FANCI: variants seen among roughly 807,000 people sequenced by gnomAD.
The protein encoded by FANCI is FA complementation group I, also known as Fanconi anemia group I protein.
A neutral mutation model predicts 176.1 loss-of-function variants in FANCI; 156 were observed. The ratio of observed to expected loss-of-function variants is 0.89; its 90% confidence interval spans 0.78 to 1.01. The LOEUF (loss-of-function observed/expected upper bound fraction) is 1.01. Ranked by LOEUF, FANCI falls within the 50% of genes least tolerant of loss-of-function variation. The probability of loss-of-function intolerance (pLI) is 0.00; values close to 1 mark genes in which losing one functional copy is unlikely to be tolerated. For missense variants in FANCI, 1,678 were observed against 1,534.1 expected (o/e 1.09, Z -1.57); for synonymous variants, 613 against 541.7 (o/e 1.13, Z -1.83).
intron 2 of FANCI, among the ~76,000 whole-genome samples, chr15:89,251,232 A>C (rs2052234908): frequency 6.6e-6 from 1 of 152,198 alleles, no homozygotes; most frequent in African/African-American, 2.4e-5. Context: ...TTTCTTAGGC[A>C]CGTACAGTTT....
At chr15:89,292,889 T>C (rs772072139) in intron 21 of FANCI, 25 bp downstream of exon 21, 10 of 1,614,096 alleles carry the variant, frequency 6.2e-6, no homozygotes, top group East Asian at 4.5e-5. Context: ...CTCAGCTGTA[T>C]TGAATGATGG....
In FANCI at chr15:89,294,009, C is replaced by A; in HGVS notation, c.2456+12C>A. The A allele has an allele frequency of 6.2e-7, 1 of 1,613,986 alleles. No homozygotes were observed. ...ACTGCTCTTTTCAGGTAAGGTTCTGCTAGAGTGCTTAAAGACAGCCACTCC... is the reference window on the plus strand; with the variant it reads ...ACTGCTCTTTTCAGGTAAGGTTCTGATAGAGTGCTTAAAGACAGCCACTCC... On this transcript the variant is annotated intron_variant, in intron 23 of 37. Coordinates refer to ENST00000310775, the MANE Select transcript of FANCI (RefSeq NM_001113378.2).
intron 13 of FANCI, among the ~76,000 whole-genome samples, chr15:89,277,687 T>C (rs1051488597): frequency 1.3e-5 from 2 of 151,940 alleles, no homozygotes; most frequent in African/African-American, 4.8e-5. Flanking sequence ...GAAATGTACA[T>C]TTTTTTGACA....
chr15:89,305,311 A>G (rs1290478608), intron 29 of FANCI, 30 bp from the exon 30 acceptor site: 1 of 1,614,052 alleles, frequency 6.2e-7, no homozygotes, highest in African/African-American at 1.3e-5. Flanking sequence ...CCTTACTGTC[A>G]TTAGGTCTCA....
chr15:89,285,311 A>G (rs182016717), intron 18 of FANCI, 93 bp downstream of exon 18: 53 of 1,507,682 alleles, frequency 3.5e-5, no homozygotes, highest in African/African-American at 1.4e-4. Flanking sequence ...TACAATAGCT[A>G]TGCTCTTACT....
At position 89,316,531 on chromosome 15, in the gene FANCI, T is replaced by G; in HGVS notation, c.*72T>G. 1 of 1,445,458 alleles carries G rather than the reference T, an allele frequency of 6.9e-7. No individual in the cohort carries two copies. Among genetic ancestry groups the G allele is most frequent in the South Asian group, 1.2e-5 (1 of 83,396 alleles). The allele number at this position is 1,445,458 out of a possible 1,614,324, so 89.5% of individuals were successfully genotyped here. A position where few individuals can be genotyped will look rare whatever the true frequency, so the allele number is the denominator to read the frequency against. On this transcript the variant is annotated 3_prime_UTR_variant, in exon 38 of 38. Transcript: ENST00000310775. ...TTACCCAACAAGCAACAATGCCCCT[T>G]GTCCTGTAGTCCACACCGATGTTGG...
At chr15:89,282,075 T>C (rs1387607457) in intron 16 of FANCI, 4 of 491,996 alleles carry the variant, frequency 8.1e-6, no homozygotes, top group Middle Eastern at 3.6e-4. Flanking sequence ...ATAAGAAAAG[T>C]TAGGCTTAGA....
chr15:89,245,621 A>C (rs893829616), intron 1 of FANCI: 3 of 152,108 alleles, frequency 2.0e-5, no homozygotes, highest in African/African-American at 7.2e-5. Flanking sequence ...AGATGGAAAC[A>C]TGTGGAAGGG....
intron 2 of FANCI, among the ~76,000 whole-genome samples, chr15:89,255,911 CG>C (rs2052474207): frequency 6.6e-6 from 1 of 152,162 alleles, no homozygotes; most frequent in Non-Finnish European, 1.5e-5. Context: ...GAGTACTTGT[CG>C]TGTGTTAGGC....
chr15:89,308,188 T>C (rs1226729471), intron 34 of FANCI: 9 of 1,032,220 alleles, frequency 8.7e-6, no homozygotes, highest in Non-Finnish European at 1.0e-5. Context: ...TCACCACTAT[T>C]GACATGTTGC....
chr15:89,256,741 A>C (rs1233759459), intron 2 of FANCI, among the ~76,000 whole-genome samples: 1 of 152,178 alleles, frequency 6.6e-6, no homozygotes, highest in African/African-American at 2.4e-5. Flanking sequence ...GCCTCACAGC[A>C]GACCCGAATC....
chr15:89,264,627 A>T lies in FANCI; in HGVS notation c.755+20A>T. On this transcript the variant is annotated intron_variant, in intron 9 of 37. Transcript: ENST00000310775. ...TGACGAGTGAGTAATATAGTGTAGA[A>T]ATAAAGATCATTTTTACAAATTCAT... 8 of 1,593,934 alleles carry T rather than the reference A, an allele frequency of 5.0e-6. No individual in the cohort carries two copies. Among genetic ancestry groups the T allele is most frequent in the Non-Finnish European group, 6.9e-6 (8 of 1,162,614 alleles).
chr15:89,292,165 G>T (rs2054093839), intron 20 of FANCI, among the ~76,000 whole-genome samples: 1 of 152,180 alleles, frequency 6.6e-6, no homozygotes, highest in Non-Finnish European at 1.5e-5. Flanking sequence ...GCCTCAGAAG[G>T]ACAGCGAAGA....
chr15:89,295,752 T>TTTG (rs893764005), intron 24 of FANCI, among the ~76,000 whole-genome samples: 3 of 144,704 alleles, frequency 2.1e-5, no homozygotes, highest in Non-Finnish European at 4.6e-5. Flanking sequence ...CCTTTTTTTT[T>TTTG]TTGTTGTTGT....
chr15:89,248,686 A>G (rs921606217), intron 2 of FANCI, among the ~76,000 whole-genome samples: 1 of 152,170 alleles, frequency 6.6e-6, no homozygotes, highest in Non-Finnish European at 1.5e-5. Flanking sequence ...AGGCGTGAAC[A>G]CTGTCAAATT....
At chr15:89,261,474 G>T (rs1165379544) in intron 4 of FANCI, 111 bp from the exon 5 acceptor site, 1 of 1,366,160 alleles carries the variant, frequency 7.3e-7, no homozygotes, top group Non-Finnish European at 1.0e-6. Context: ...TATGGGACCA[G>T]TTCTGGATCT....
intron 12 of FANCI, among the ~76,000 whole-genome samples, chr15:89,275,721 T>A (rs1246990307): frequency 6.6e-6 from 1 of 152,172 alleles, no homozygotes; most frequent in Non-Finnish European, 1.5e-5. Context: ...AAGAAGGAGG[T>A]ACTCACTAAC....
intron 27 of FANCI, among the ~76,000 whole-genome samples, chr15:89,303,101 C>A (rs551818445): frequency 6.6e-6 from 1 of 152,172 alleles, no homozygotes; most frequent in Non-Finnish European, 1.5e-5. Context: ...CCTCTTCACA[C>A]AAAAACTTGT....
At chr15:89,298,531 C>G (rs1447564768) in intron 24 of FANCI, among the ~76,000 whole-genome samples, 1 of 151,962 alleles carries the variant, frequency 6.6e-6, no homozygotes, top group Admixed American at 6.6e-5. Flanking sequence ...CTCAGATCTC[C>G]CATATAAACT....
Sources: gnomAD v4.1 joint callset for allele counts (sites outside exome capture counted in the v4.1 genomes callset) on GRCh38, gnomAD v4.1.1 for gene constraint, MANE v1.5 for transcripts, NCBI Gene and HGNC (gene_info 2026-07-23, HGNC 2026-07-21) for gene names.